Variants in ACTN1 observed in about 807,000 individuals in gnomAD.
The protein encoded by ACTN1 is alpha-actinin-1.
ACTN1 carries 30 observed loss-of-function variants against 119.6 expected under a neutral mutation model. The ratio of observed to expected loss-of-function variants is 0.25; its 90% CI spans 0.19 to 0.34. ACTN1 has a LOEUF of 0.34. Ranked by LOEUF, ACTN1 falls within the 10% of genes least tolerant of loss-of-function variation. The pLI, the probability that ACTN1 is intolerant of heterozygous loss-of-function variation, is 1.00. For synonymous variants in ACTN1, 429 were observed against 472.6 expected, an observed-to-expected ratio of 0.91 and a Z score of 1.20; for missense variants, 764 against 1,223.4, an observed-to-expected ratio of 0.62 and a Z score of 5.60.
rs375804030 is a variant in ACTN1 at position 68,925,696 on chromosome 14, G to A, written c.106-24C>T. 1 of 1,590,640 alleles carries A rather than the reference G, an allele frequency of 6.3e-7. No homozygotes were observed. The highest frequency in any genetic ancestry group is 1.3e-5 in the African/African-American group (1 of 74,460). On this transcript the variant is annotated intron_variant, in intron 1 of 21. Transcript: ENST00000394419. The surrounding 1 kb of genome is among the most constrained non-coding windows in gnomAD (Gnocchi z 4.3). ...GTCTGGGCAGAGACAAGAAGGGCAA[G>A]TGGTCAGGGGGCTGGTGTTGTCACC...
chr14:68,878,631 G>C lies in ACTN1; in HGVS notation c.2362-108C>G. 6.4e-7 allele frequency: 1 copy of C among 1,565,860 alleles called. No individual in the cohort carries two copies. Among genetic ancestry groups the C allele is most frequent in the Non-Finnish European group, 8.6e-7 (1 of 1,156,118 alleles). Reference sequence around the variant, plus strand: ...GAACAGATGGCCAGAACGGGGATGAGATTTATGGTTTTGGGGGTCAGGATA... The same window carrying C: ...GAACAGATGGCCAGAACGGGGATGACATTTATGGTTTTGGGGGTCAGGATA... On this transcript the variant is annotated intron_variant, in intron 19 of 21. Transcript: ENST00000394419. The surrounding 1 kb of genome is among the most constrained non-coding windows in gnomAD (Gnocchi z 4.4).
intron 2 of ACTN1, 50 bp from the exon 3 acceptor site, chr14:68,921,175 G>A (rs1485739194): frequency 1.0e-5 from 16 of 1,604,558 alleles, no homozygotes; most frequent in Middle Eastern, 1.8e-4. Flanking sequence ...TATGAGCCAG[G>A]GGCCAGAGCT....
At chr14:68,890,368 G>A in intron 10 of ACTN1, 82 bp from the exon 11 acceptor site, 2 of 1,501,802 alleles carry the variant, frequency 1.3e-6, no homozygotes, top group Admixed American at 4.1e-5. Context: ...CCCTGAAGGT[G>A]CCCCATGCCT....
chr14:68,899,070 C>T (rs1220597685), intron 8 of ACTN1, among the ~76,000 whole-genome samples: 38 of 141,720 alleles, frequency 2.7e-4, no homozygotes, highest in African/African-American at 9.4e-4. Context: ...ACACCTCACA[C>T]ACCACACACA....
intron 3 of ACTN1, among the ~76,000 whole-genome samples, chr14:68,915,784 G>A (rs946607313): frequency 6.6e-6 from 1 of 152,210 alleles, no homozygotes; most frequent in African/African-American, 2.4e-5. Context: ...GGGAGGCCAA[G>A]GTGGGACAGA....
chr14:68,920,344 C>G (rs1317751452), intron 3 of ACTN1, among the ~76,000 whole-genome samples: 1 of 152,138 alleles, frequency 6.6e-6, no homozygotes, highest in African/African-American at 2.4e-5. Context: ...TAAATACTTG[C>G]TAAATCCATG....
At chr14:68,924,859 G>C (rs1017708608) in intron 2 of ACTN1, among the ~76,000 whole-genome samples, 5 of 152,254 alleles carry the variant, frequency 3.3e-5, no homozygotes, top group African/African-American at 1.2e-4. Context: ...GGAGGGAAAA[G>C]AGGTTTGCTA....
At chr14:68,923,728 T>C (rs1009053273) in intron 2 of ACTN1, among the ~76,000 whole-genome samples, 6 of 152,048 alleles carry the variant, frequency 3.9e-5, no homozygotes, top group East Asian at 3.8e-4. Flanking sequence ...AGAATTCCCA[T>C]GTGACCTAGC....
In ACTN1 at chr14:68,882,330, C is replaced by A. The variant is rs2031615237; in HGVS notation, c.1953+128G>T. The A allele has an allele frequency of 7.6e-7, 1 of 1,315,406 alleles. No individual in the cohort carries two copies. Among genetic ancestry groups the A allele is most frequent in the South Asian group, 1.4e-5 (1 of 70,230 alleles). The allele number at this position is 1,315,406 out of a possible 1,614,324, so 81.5% of individuals were successfully genotyped here. A position where few individuals can be genotyped will look rare whatever the true frequency, so the allele number is the denominator to read the frequency against. On this transcript the variant is annotated intron_variant, in intron 16 of 21. Transcript: ENST00000394419. This position sits in a 1 kb window ranked among gnomAD's most constrained non-coding sequence, Gnocchi z 4.5. ...CCATAGCCTTCTACAGAACAGCAGA[C>A]CCACGGTGGGCTCCGGGCCTCAGTC...
chr14:68,906,025 T>C (rs2140264751), intron 6 of ACTN1, among the ~76,000 whole-genome samples: 1 of 150,374 alleles, frequency 6.7e-6, no homozygotes, highest in Middle Eastern at 3.5e-3. Context: ...GGCTTCACTG[T>C]TATGAGGTTC....
At position 68,885,216 on chromosome 14, in the gene ACTN1, C is replaced by T. The variant is rs2031893465; in HGVS notation, c.1385+209G>A. Among the ~76,000 whole-genome samples, 1 of 152,162 alleles carries T rather than the reference C, an allele frequency of 6.6e-6. No homozygotes were observed. The highest frequency in any genetic ancestry group is 2.1e-4 in the South Asian group (1 of 4,824). On this transcript the variant is annotated intron_variant, in intron 12 of 21. Coordinates refer to ENST00000394419, the MANE Select transcript of ACTN1 (RefSeq NM_001130004.2). The surrounding 1 kb of genome is among the most constrained non-coding windows in gnomAD (Gnocchi z 5.6). ...CTCCTGTACTAGCTACAGGCGAGAACTGGTGGCCTTTAACAGGATGGCAGT... is the reference window on the plus strand; with the variant it reads ...CTCCTGTACTAGCTACAGGCGAGAATTGGTGGCCTTTAACAGGATGGCAGT...
intron 10 of ACTN1, among the ~76,000 whole-genome samples, chr14:68,891,566 A>G (rs1396332145): frequency 1.3e-5 from 2 of 152,308 alleles, no homozygotes; most frequent in Non-Finnish European, 1.5e-5. Flanking sequence ...GATACTGGGT[A>G]GTAAGATTTT....
In ACTN1 at chr14:68,892,093, T is replaced by C; in HGVS notation, c.1046A>G (p.Asn349Ser). The C allele has an allele frequency of 1.2e-6, 2 of 1,613,428 alleles. No homozygotes were observed. The highest frequency in any genetic ancestry group is 1.1e-5 in the South Asian group (1 of 91,044). The change falls in exon 10 of 22, where the codon AAC becomes AGC. Residue 349 changes from asparagine to serine, a missense_variant. Physicochemically the swap from Asn to Ser is conservative, Grantham distance 46. Around this residue, in one of 4 missense-constraint regions of ACTN1, gnomAD observed 544 missense variants for 912.0 expected, o/e 0.60. Coordinates refer to ENST00000394419, the MANE Select transcript of ACTN1 (RefSeq NM_001130004.2). ...NTLQTKLRLS[N>S]RPAFMPSEGR... ...CTCAGAGGGCATGAAGGCAGGCCGG[T>C]TGCTGAGCCGCAGCTTGGTCTGCAG...
intron 1 of ACTN1, among the ~76,000 whole-genome samples, chr14:68,940,830 G>T (rs577567443): frequency 1.8e-4 from 28 of 152,256 alleles, no homozygotes; most frequent in African/African-American, 6.3e-4. Context: ...TTACAAATTT[G>T]CAAGAAAGAA....
At position 68,904,744 on chromosome 14, in the gene ACTN1, G is replaced by A; in HGVS notation, c.595-8C>T. On this transcript the variant is annotated splice_region_variant and splice_polypyrimidine_tract_variant and intron_variant, in intron 6 of 21. Coordinates refer to ENST00000394419, the MANE Select transcript of ACTN1 (RefSeq NM_001130004.2). Reference sequence around the variant, plus strand: ...ATTTGTGAGTGGATCATCCTAGAGGGAGAAAAGGAGGAAGGGATGATAAAG... The same window carrying A: ...ATTTGTGAGTGGATCATCCTAGAGGAAGAAAAGGAGGAAGGGATGATAAAG... 6.2e-7 allele frequency: 1 copy of A among 1,610,406 alleles called. No individual in the cohort carries two copies. The highest frequency in any genetic ancestry group is 8.5e-7 in the Non-Finnish European group (1 of 1,176,832).
intron 3 of ACTN1, among the ~76,000 whole-genome samples, chr14:68,915,588 G>A (rs1254151372): frequency 1.3e-5 from 2 of 152,224 alleles, no homozygotes; most frequent in African/African-American, 2.4e-5. Context: ...CTGAGTGAAC[G>A]AATGAGTGAA....
At chr14:68,960,708 T>C (rs1474916719) in intron 1 of ACTN1, among the ~76,000 whole-genome samples, 4 of 151,264 alleles carry the variant, frequency 2.6e-5, no homozygotes, top group African/African-American at 9.7e-5. Flanking sequence ...GCCAGGAGTT[T>C]GAGAGCAGTC....
intron 21 of ACTN1, among the ~76,000 whole-genome samples, chr14:68,876,608 T>C (rs2030925554): frequency 6.6e-6 from 1 of 152,042 alleles, no homozygotes. Context: ...TGTTGCAGGG[T>C]ACTTGGGAGA....
intron 3 of ACTN1, among the ~76,000 whole-genome samples, chr14:68,915,029 T>C (rs2034208822): frequency 6.6e-6 from 1 of 152,086 alleles, no homozygotes; most frequent in African/African-American, 2.4e-5. Flanking sequence ...CAGAGTAAGG[T>C]TCCTGAATGA....
Sources: allele counts gnomAD v4.1 joint callset (sites outside exome capture counted in the v4.1 genomes callset), GRCh38; gene constraint gnomAD v4.1.1; regional missense constraint gnomAD v4.1.1; non-coding constraint Gnocchi (gnomAD v3.1); transcripts MANE v1.5; gene names NCBI Gene and HGNC (gene_info 2026-07-23, HGNC 2026-07-21).